Variants in SLC44A1 observed in about 807,000 individuals in gnomAD.
The protein encoded by SLC44A1 is solute carrier family 44 member 1, also known as choline transporter-like protein 1.
In SLC44A1, 26 loss-of-function variants were observed where a neutral mutation model predicts 79.3. The ratio of observed to expected loss-of-function variants is 0.33; its 90% CI spans 0.24 to 0.46. SLC44A1 has a LOEUF of 0.46. Ranked by LOEUF, SLC44A1 falls within the 20% of genes least tolerant of loss-of-function variation. The pLI is 1.00. For synonymous variants in SLC44A1, 263 were observed against 286.2 expected, an observed-to-expected ratio of 0.92 and a Z score of 0.82; for missense variants, 688 against 798.1, an observed-to-expected ratio of 0.86 and a Z score of 1.66.
chr9:105,342,814 T>G (rs971226751), intron 4 of SLC44A1, among the ~76,000 whole-genome samples: 1 of 152,104 alleles, frequency 6.6e-6, no homozygotes, highest in Admixed American at 6.6e-5. Context: ...ATTTTTGCAC[T>G]TGCTATCTAA....
At chr9:105,412,652 A>T (rs2131508409) in intron 15 of SLC44A1, among the ~76,000 whole-genome samples, 1 of 152,102 alleles carries the variant, frequency 6.6e-6, no homozygotes, top group African/African-American at 2.4e-5. Context: ...CCCAGGCTGG[A>T]GTGCAGTGGC....
intron 9 of SLC44A1, 87 bp downstream of exon 9, chr9:105,363,094 C>A: frequency 9.3e-7 from 1 of 1,076,408 alleles, no homozygotes; most frequent in African/African-American, 1.6e-5. Flanking sequence ...ATTCTTCAGA[C>A]ATTTGTTGAT....
At chr9:105,259,662 C>G (rs1289687579) in intron 1 of SLC44A1, among the ~76,000 whole-genome samples, 1 of 152,148 alleles carries the variant, frequency 6.6e-6, no homozygotes, top group Non-Finnish European at 1.5e-5. Context: ...ATTCTGAAAC[C>G]ACAGGTGTTG....
At chr9:105,265,963 G>T (rs1237388172) in intron 1 of SLC44A1, among the ~76,000 whole-genome samples, 1 of 151,804 alleles carries the variant, frequency 6.6e-6, no homozygotes, top group Non-Finnish European at 1.5e-5. Flanking sequence ...CTTTCTCTGT[G>T]TGTGTGTGTT....
In SLC44A1 at chr9:105,396,539, A is replaced by G. The variant is rs1828878800; in HGVS notation, c.*7483A>G. 2.0e-6 allele frequency: 2 copies of G among 985,258 alleles called. No homozygotes were observed. The highest frequency in any genetic ancestry group is 5.2e-4 in the Middle Eastern group (1 of 1,936). 61.0% of individuals were successfully genotyped at this position (985,258 alleles called of 1,614,324 possible). A position where few individuals can be genotyped will look rare whatever the true frequency, so the allele number is the denominator to read the frequency against. On this transcript the variant is annotated 3_prime_UTR_variant, in exon 16 of 16. Transcript: ENST00000374720. ...AAATTTAAAGATCAGTCAATACAGT[A>G]GGGACCTGCTATTGATCTCTCAGGC...
At chr9:105,375,800 A>G (rs901644467) in intron 13 of SLC44A1, among the ~76,000 whole-genome samples, 1 of 152,226 alleles carries the variant, frequency 6.6e-6, no homozygotes, top group Non-Finnish European at 1.5e-5. Flanking sequence ...TCTGAGTATT[A>G]AACCATAAAA....
At chr9:105,348,122 CTTA>C (rs1827295089) in intron 4 of SLC44A1, among the ~76,000 whole-genome samples, 2 of 151,910 alleles carry the variant, frequency 1.3e-5, no homozygotes, top group African/African-American at 4.8e-5. Context: ...AGTTCTAGTA[CTTA>C]TTGTTATTAC....
chr9:105,332,550 A>G (rs1826784784), intron 3 of SLC44A1, among the ~76,000 whole-genome samples: 2 of 152,206 alleles, frequency 1.3e-5, no homozygotes, highest in Admixed American at 1.3e-4. Context: ...TTCAAACCAT[A>G]TACACAGGCT....
rs142880575 is a variant in SLC44A1, at chr9:105,437,048, T to C, written c.1951-1233T>C. 2.3e-3 allele frequency among the ~76,000 whole-genome samples: 354 copies of C among 152,300 alleles called. 6 individuals carry two copies. The highest frequency in any genetic ancestry group is 8.1e-3 in the African/African-American group (337 of 41,566). ...CTCGTTACTTCTGCTTATCCTGCAGTGGCTCTGGGCTTGTTTGATAATCAA... is the reference window on the plus strand; with the variant it reads ...CTCGTTACTTCTGCTTATCCTGCAGCGGCTCTGGGCTTGTTTGATAATCAA... On this transcript the variant is annotated intron_variant, in intron 15 of 15. Coordinates refer to the SLC44A1 transcript ENST00000374724.
chr9:105,332,924 A>G (rs1826797331), intron 3 of SLC44A1, among the ~76,000 whole-genome samples: 1 of 152,186 alleles, frequency 6.6e-6, no homozygotes, highest in Admixed American at 6.5e-5. Flanking sequence ...CAAACTATAA[A>G]ATCGGTGATA....
In SLC44A1 at chr9:105,299,315, G is replaced by A. The variant is rs779677989; in HGVS notation, c.126+6G>A. Reference sequence around the variant, plus strand: ...TCCTCTTCTGCATTGGGATGGTAAGGAAACTCTCACAGATGGTCCAAACTG... The same window carrying A: ...TCCTCTTCTGCATTGGGATGGTAAGAAAACTCTCACAGATGGTCCAAACTG... On this transcript the variant is annotated splice_donor_region_variant and intron_variant, in intron 2 of 15. Transcript: ENST00000374720. The A allele has an allele frequency of 2.1e-5, 33 of 1,568,650 alleles. No individual in the cohort carries two copies. The highest frequency in any genetic ancestry group is 2.8e-5 in the Non-Finnish European group (33 of 1,161,896).
chr9:105,393,176 T>C lies in SLC44A1; in HGVS notation c.*4120T>C, dbSNP rs1423208429. 2 of 985,366 alleles carry C rather than the reference T, an allele frequency of 2.0e-6. No individual in the cohort carries two copies. The highest frequency in any genetic ancestry group is 2.4e-6 in the Non-Finnish European group (2 of 829,942). The allele number at this position is 985,366 out of a possible 1,614,324, so 61.0% of individuals were successfully genotyped here. On this transcript the variant is annotated 3_prime_UTR_variant, in exon 16 of 16. Transcript: ENST00000374720. ...GTAACGCAGATATTTGTGTATTCTG[T>C]ATTCACAGCGTAGGCTGCCTTTTGC...
rs1483128648 is a variant in SLC44A1 at position 105,396,764 on chromosome 9, A to C, written c.*7708A>C. 2 of 985,136 alleles carry C rather than the reference A, an allele frequency of 2.0e-6. No homozygotes were observed. Among genetic ancestry groups the C allele is most frequent in the Non-Finnish European group, 2.4e-6 (2 of 829,886 alleles). 61.0% of individuals were successfully genotyped at this position (985,136 alleles called of 1,614,324 possible). ...TTTGCATCCTATTTCATAGTGCCAAAATGAATTTTTGTATCTTGTCTTGTC... is the reference window on the plus strand; with the variant it reads ...TTTGCATCCTATTTCATAGTGCCAACATGAATTTTTGTATCTTGTCTTGTC... On this transcript the variant is annotated 3_prime_UTR_variant, in exon 16 of 16. Transcript: ENST00000374720.
chr9:105,297,716 T>C (rs1374010244), intron 1 of SLC44A1, among the ~76,000 whole-genome samples: 2 of 152,160 alleles, frequency 1.3e-5, no homozygotes, highest in Non-Finnish European at 2.9e-5. Context: ...TCTGTAGTTT[T>C]CATCAGGTTA....
intron 3 of SLC44A1, among the ~76,000 whole-genome samples, chr9:105,322,343 G>T (rs1222347330): frequency 6.6e-6 from 1 of 152,164 alleles, no homozygotes; most frequent in Non-Finnish European, 1.5e-5. Context: ...TGGCATATGG[G>T]TAGATGGGGC....
chr9:105,278,197 G>A (rs1338101543), intron 1 of SLC44A1, among the ~76,000 whole-genome samples: 2 of 151,718 alleles, frequency 1.3e-5, no homozygotes, highest in Non-Finnish European at 2.9e-5. Context: ...GAGTAGGTGG[G>A]ATTACAGGTG....
At chr9:105,332,717 T>C (rs1212237911) in intron 3 of SLC44A1, among the ~76,000 whole-genome samples, 1 of 151,758 alleles carries the variant, frequency 6.6e-6, no homozygotes, top group Non-Finnish European at 1.5e-5. Flanking sequence ...CCTACACAGA[T>C]TTTTTTTTCC....
chr9:105,413,179 A>G (rs1175229651), intron 15 of SLC44A1, among the ~76,000 whole-genome samples: 1 of 152,170 alleles, frequency 6.6e-6, no homozygotes, highest in Admixed American at 6.5e-5. Context: ...ACCTATTACT[A>G]TCAGGCTGTG....
At chr9:105,373,652 C>T (rs1457422069) in intron 12 of SLC44A1, among the ~76,000 whole-genome samples, 2 of 152,148 alleles carry the variant, frequency 1.3e-5, no homozygotes, top group Admixed American at 6.5e-5. Flanking sequence ...GGCAAGTTCC[C>T]AATGTCCCAA....
Sources: gnomAD v4.1 joint callset for allele counts (sites outside exome capture counted in the v4.1 genomes callset) on GRCh38, gnomAD v4.1.1 for gene constraint, MANE v1.5 for transcripts, NCBI Gene and HGNC (gene_info 2026-07-23, HGNC 2026-07-21) for gene names.